Variants in CACNA1C observed in about 807,000 individuals in gnomAD.
The protein encoded by CACNA1C is voltage-dependent L-type calcium channel subunit alpha-1C.
CACNA1C carries 30 observed loss-of-function variants against 229.0 expected under a neutral mutation model. The observed-to-expected ratio is 0.13, with a 90% CI of 0.10 to 0.18. The LOEUF (loss-of-function observed/expected upper bound fraction) is 0.18. Ranked by LOEUF, CACNA1C falls within the 10% of genes least tolerant of loss-of-function variation. The pLI, the probability that CACNA1C is intolerant of heterozygous loss-of-function variation, is 1.00. For missense variants in CACNA1C, 1,658 were observed against 2,845.0 expected (o/e 0.58, Z 9.49); for synonymous variants, 1,114 against 1,132.5 (o/e 0.98, Z 0.33).
At chr12:2,225,882 C>T (rs934544410) in intron 3 of CACNA1C, among the ~76,000 whole-genome samples, 1 of 152,022 alleles carries the variant, frequency 6.6e-6, no homozygotes, top group Non-Finnish European at 1.5e-5. Flanking sequence ...AGAGTGAGGA[C>T]GCCATACAAA....
At chr12:2,237,300 A>G (rs2067806718) in intron 3 of CACNA1C, among the ~76,000 whole-genome samples, 1 of 152,194 alleles carries the variant, frequency 6.6e-6, no homozygotes, top group Admixed American at 6.5e-5. Context: ...TGCCTAGGGT[A>G]TGATAGTGTG....
intron 26 of CACNA1C, chr12:2,607,465 T>G: frequency 4.6e-6 from 1 of 217,210 alleles, no homozygotes; most frequent in Non-Finnish European, 9.1e-6. Flanking sequence ...CTTCTCCAGG[T>G]GTGGGCCCTG....
chr12:2,226,659 C>T (rs1405150210), intron 3 of CACNA1C, among the ~76,000 whole-genome samples: 1 of 152,156 alleles, frequency 6.6e-6, no homozygotes, highest in Non-Finnish European at 1.5e-5. Context: ...GTCATTGTTT[C>T]CTCCACGGAG....
At chr12:2,618,423 A>G (rs1275000864) in intron 29 of CACNA1C, among the ~76,000 whole-genome samples, 1 of 152,264 alleles carries the variant, frequency 6.6e-6, no homozygotes, top group Non-Finnish European at 1.5e-5. Context: ...TGACAGAAAC[A>G]GCCACAGGAG....
intron 3 of CACNA1C, among the ~76,000 whole-genome samples, chr12:2,218,887 G>A (rs971909640): frequency 6.6e-6 from 1 of 152,134 alleles, no homozygotes; most frequent in Non-Finnish European, 1.5e-5. Flanking sequence ...AGCAGCCTGA[G>A]TGTCACTGTA....
intron 3 of CACNA1C, among the ~76,000 whole-genome samples, chr12:2,448,567 C>T (rs143780490): frequency 6.2e-4 from 94 of 152,238 alleles, no homozygotes; most frequent in Non-Finnish European, 1.1e-3. Context: ...AATCGGAGCG[C>T]GGTTTTCCAG....
rs1190176277 is a variant in CACNA1C at position 2,102,565 on chromosome 12, C to T, written c.50-12659C>T. Among the ~76,000 whole-genome samples, 3 of 152,160 alleles carry T rather than the reference C, an allele frequency of 2.0e-5. No homozygotes were observed. In the East Asian group the frequency reaches 5.8e-4, roughly 29 times the overall value. ...CTCCTTTTTGTAGATGGCTGTCTGT[C>T]CTCAGGCAGGCAGATTATTTTTTAT... is the stretch of plus-strand genomic sequence containing the variant. On this transcript the variant is annotated intron_variant, in intron 1 of 46. Coordinates refer to ENST00000399655, the MANE Select transcript of CACNA1C (RefSeq NM_000719.7).
In CACNA1C at chr12:2,346,210, C is replaced by G. The variant is rs1390719845; in HGVS notation, c.478-102766C>G. Among the ~76,000 whole-genome samples the G allele has an allele frequency of 3.3e-5, 5 of 151,952 alleles. 1 individual carries two copies. The East Asian group carries it at 9.6e-4, about 29-fold the overall frequency. On this transcript the variant is annotated intron_variant, in intron 3 of 46. Coordinates refer to ENST00000399655, the MANE Select transcript of CACNA1C (RefSeq NM_000719.7). The surrounding 1 kb of genome is among the most constrained non-coding windows in gnomAD (Gnocchi z 4.4). ...AAGGCAGAGGTGTGCGTGTGTGTCT[C>G]TGTGTGTGTCATCTCTGTGTGTGTC...
chr12:2,476,529 T>C (rs1268919661), intron 5 of CACNA1C, among the ~76,000 whole-genome samples: 1 of 152,248 alleles, frequency 6.6e-6, no homozygotes, highest in East Asian at 1.9e-4. Flanking sequence ...TGGTAGTTAA[T>C]ACTATTATTG....
At chr12:2,580,484 G>A (rs2153221463) in intron 13 of CACNA1C, among the ~76,000 whole-genome samples, 1 of 152,304 alleles carries the variant, frequency 6.6e-6, no homozygotes, top group East Asian at 1.9e-4. Context: ...AGTGACCTAG[G>A]AGGCAGGTGG....
rs200638007 is a variant in CACNA1C at position 2,679,551 on chromosome 12, G to A, written c.5199G>A (p.Ala1733=). 1.9e-4 allele frequency: 303 copies of A among 1,613,346 alleles called. No homozygotes were observed. The African/African-American group carries it at 3.0e-3, about 16-fold the overall frequency. ...AGCGCCCGCTGCACATCAACAAGGCGGGCAGCAGCCAGGGCGACACTGAGT... is the reference window on the plus strand; with the variant it reads ...AGCGCCCGCTGCACATCAACAAGGCAGGCAGCAGCCAGGGCGACACTGAGT... ...TTQRPLHINK[A]GSSQGDTESP... The change falls in exon 42 of 47, where the codon GCG becomes GCA. Residue 1733 remains alanine (A), a synonymous_variant. Coordinates refer to ENST00000399655, the MANE Select transcript of CACNA1C (RefSeq NM_000719.7). The surrounding 1 kb of genome is among the most constrained non-coding windows in gnomAD (Gnocchi z 5.5).
At chr12:2,409,989 C>G (rs557235253) in intron 3 of CACNA1C, among the ~76,000 whole-genome samples, 1 of 152,318 alleles carries the variant, frequency 6.6e-6, no homozygotes, top group Non-Finnish European at 1.5e-5. Flanking sequence ...ATGAGCAGGA[C>G]AGCTCGGAGA....
intron 1 of CACNA1C, among the ~76,000 whole-genome samples, chr12:2,091,774 G>A (rs575168698): frequency 6.6e-6 from 1 of 152,358 alleles, no homozygotes; most frequent in East Asian, 1.9e-4. Flanking sequence ...GAAGGCAGGG[G>A]TAAGAGCATC....
rs1329511556 is a variant in CACNA1C, at chr12:2,651,555, A to G, written c.3946-85A>G. The G allele has an allele frequency of 6.2e-7, 1 of 1,606,826 alleles. No homozygotes were observed. Among genetic ancestry groups the G allele is most frequent in the South Asian group, 1.1e-5 (1 of 90,866 alleles). On this transcript the variant is annotated intron_variant, in intron 31 of 46. Coordinates refer to ENST00000399655, the MANE Select transcript of CACNA1C (RefSeq NM_000719.7). This position sits in a 1 kb window ranked among gnomAD's most constrained non-coding sequence, Gnocchi z 5.4. The stretch of plus-strand genomic sequence containing the variant: ...GGCCTGCCTTCCGCCACTGCCACTG[A>G]GGTCTGTATTTCTCGGAGGGGCCCT...
chr12:2,463,132 A>G (rs556628332), intron 5 of CACNA1C, among the ~76,000 whole-genome samples: 167 of 152,132 alleles, frequency 1.1e-3, no homozygotes, highest in African/African-American at 3.5e-3. Flanking sequence ...GATGGTCTCG[A>G]TCTCCTGACC....
In CACNA1C at chr12:2,687,447, C is replaced by G. The variant is rs1228862603; in HGVS notation, c.5785-1000C>G. Among the ~76,000 whole-genome samples, 4 of 152,178 alleles carry G rather than the reference C, an allele frequency of 2.6e-5. No individual in the cohort carries two copies. In the South Asian group the frequency reaches 8.3e-4, roughly 32 times the overall value. On this transcript the variant is annotated intron_variant, in intron 45 of 46. Transcript: ENST00000399655. The stretch of plus-strand genomic sequence containing the variant: ...CAGCTCACCCTGCAGAGCCTCTGCC[C>G]TGGCAGGTTGTCATGGCAACAGCCA...
At chr12:2,012,751 A>G (rs762451617) in intron 1 of CACNA1C, among the ~76,000 whole-genome samples, 1 of 152,244 alleles carries the variant, frequency 6.6e-6, no homozygotes, top group Non-Finnish European at 1.5e-5. Context: ...AAGTACCAGA[A>G]TTTGGAGAAA....
intron 3 of CACNA1C, among the ~76,000 whole-genome samples, chr12:2,320,167 A>G (rs2095903870): frequency 1.3e-5 from 2 of 152,166 alleles, no homozygotes; most frequent in African/African-American, 2.4e-5. Context: ...ATTGAGCATT[A>G]GATTGGGTTT....
intron 3 of CACNA1C, among the ~76,000 whole-genome samples, chr12:2,126,558 A>G (rs1048634235): frequency 2.0e-5 from 3 of 152,248 alleles, no homozygotes; most frequent in Non-Finnish European, 4.4e-5. Context: ...CAGTGCATGT[A>G]CTTTCTGGAG....
Sources: gnomAD v4.1 joint callset for allele counts (sites outside exome capture counted in the v4.1 genomes callset) on GRCh38, gnomAD v4.1.1 for gene constraint, Gnocchi (gnomAD v3.1) non-coding constraint, MANE v1.5 for transcripts, NCBI Gene and HGNC (gene_info 2026-07-23, HGNC 2026-07-21) for gene names.